The following SH3PXD2B variants were observed in gnomAD, a reference collection of about 807,000 sequenced individuals.
SH3PXD2B encodes SH3 and PX domain-containing protein 2B.
SH3PXD2B carries 37 observed loss-of-function variants against 73.1 expected under a neutral mutation model. The ratio of observed to expected loss-of-function variants is 0.51; its 90% CI spans 0.39 to 0.67. SH3PXD2B has a LOEUF of 0.67. Ranked by LOEUF, SH3PXD2B falls within the 30% of genes least tolerant of loss-of-function variation. The pLI, the probability that SH3PXD2B is intolerant of heterozygous loss-of-function variation, is 0.00. For missense variants in SH3PXD2B, 1,053 were observed against 1,197.8 expected, an observed-to-expected ratio of 0.88 and a Z score of 1.78; for synonymous variants, 457 against 480.5, an observed-to-expected ratio of 0.95 and a Z score of 0.64.
chr5:172,337,412 G>C lies in SH3PXD2B; in HGVS notation c.*957C>G. 1 of 978,962 alleles carries C rather than the reference G, an allele frequency of 1.0e-6. No homozygotes were observed. The highest frequency in any genetic ancestry group is 1.2e-6 in the Non-Finnish European group (1 of 824,050). The allele number at this position is 978,962 out of a possible 1,614,324, so 60.6% of individuals were successfully genotyped here. A position where few individuals can be genotyped will look rare whatever the true frequency, so the allele number is the denominator to read the frequency against. ...TGGTGTGTCCTTGGGCACATGGAGC[G>C]TGAATTTCCTCATCTATAAAGGGAG... On this transcript the variant is annotated 3_prime_UTR_variant, in exon 13 of 13. Coordinates refer to ENST00000311601, the MANE Select transcript of SH3PXD2B (RefSeq NM_001017995.3).
chr5:172,330,434 T>C (rs1401241157), downstream of SH3PXD2B, among the ~76,000 whole-genome samples: 2 of 152,198 alleles, frequency 1.3e-5, no homozygotes, highest in Non-Finnish European at 2.9e-5. Context: ...CCAGAGTTTA[T>C]TACATGAAAC....
In SH3PXD2B at chr5:172,334,244, GT is replaced by G. The variant is rs1335817856; in HGVS notation, c.*4124del. The G allele has an allele frequency of 9.6e-7, 1 of 1,040,426 alleles. No individual in the cohort carries two copies. The highest frequency in any genetic ancestry group is 1.7e-5 in the African/African-American group (1 of 57,550). The allele number at this position is 1,040,426 out of a possible 1,614,324, so 64.4% of individuals were successfully genotyped here. A position where few individuals can be genotyped will look rare whatever the true frequency, so the allele number is the denominator to read the frequency against. ...GCTGGGCAGTCCAGTCTGTAGAAAG[GT>G]GCTCTGAAGGAGGTCCATGAGCAGG... On this transcript the variant is annotated 3_prime_UTR_variant, in exon 13 of 13. Transcript: ENST00000311601.
intron 2 of SH3PXD2B, among the ~76,000 whole-genome samples, chr5:172,417,685 C>G (rs966045653): frequency 3.3e-5 from 5 of 152,214 alleles, no homozygotes; most frequent in African/African-American, 7.2e-5. Context: ...CTAATCTTTA[C>G]GCCAATTCCT....
rs561370461 is a variant in SH3PXD2B, at chr5:172,385,560, C to A, written c.310-3433G>T. ...TGGGGAGACCCTAAATAACACGAGG[C>A]AACAGCCCGGAGCTGGCCATGTGTC... is the stretch of plus-strand genomic sequence containing the variant. On this transcript the variant is annotated intron_variant, in intron 4 of 12. Transcript: ENST00000311601. 4.2e-4 allele frequency among the ~76,000 whole-genome samples: 64 copies of A among 152,320 alleles called. 1 individual carries two copies. The highest frequency in any genetic ancestry group is 8.4e-4 in the Non-Finnish European group (57 of 68,016).
intron 12 of SH3PXD2B, chr5:172,325,495 T>C (rs1756431127): frequency 6.1e-6 from 4 of 650,702 alleles, no homozygotes; most frequent in Non-Finnish European, 1.1e-5. Flanking sequence ...GACTGAGTAA[T>C]TTATAAAGAA....
intron 4 of SH3PXD2B, among the ~76,000 whole-genome samples, chr5:172,384,435 T>G (rs1758013939): frequency 6.6e-6 from 1 of 152,254 alleles, no homozygotes; most frequent in Admixed American, 6.5e-5. Context: ...TTCACACTGC[T>G]GTGCTACCAG....
intron 1 of SH3PXD2B, among the ~76,000 whole-genome samples, chr5:172,429,421 T>C (rs1759180008): frequency 6.6e-6 from 1 of 152,228 alleles, no homozygotes; most frequent in South Asian, 2.1e-4. Flanking sequence ...GGAGGTTTTC[T>C]TCTGTTCCCA....
chr5:172,446,488 T>A (rs1759664092), intron 1 of SH3PXD2B, among the ~76,000 whole-genome samples: 1 of 152,180 alleles, frequency 6.6e-6, no homozygotes. Context: ...AAAGCAAGAC[T>A]GCTCCCCTGA....
In SH3PXD2B at chr5:172,382,233, T is replaced by C. The variant is rs1757965411; in HGVS notation, c.310-106A>G. 21 of 925,476 alleles carry C rather than the reference T, an allele frequency of 2.3e-5. No individual in the cohort carries two copies. The East Asian group carries it at 5.3e-4, about 23-fold the overall frequency. 57.3% of individuals were successfully genotyped at this position (925,476 alleles called of 1,614,324 possible). On this transcript the variant is annotated intron_variant, in intron 4 of 12. Transcript: ENST00000311601. ...CGGGAGGCTGAGGCAAGATAATTGT[T>C]TGAACCTGGGAGGCGGAGGTTGCAG...
intron 12 of SH3PXD2B, among the ~76,000 whole-genome samples, chr5:172,327,752 G>GTTTTT (rs3053146): frequency 0.01 from 1,490 of 142,220 alleles, 31 homozygotes; most frequent in African/African-American, 0.037. Flanking sequence ...CTGCAACTGG[G>GTTTTT]TTTTTTTTTT....
intron 3 of SH3PXD2B, among the ~76,000 whole-genome samples, chr5:172,395,211 A>T (rs1758267689): frequency 6.6e-6 from 1 of 152,180 alleles, no homozygotes; most frequent in East Asian, 1.9e-4. Flanking sequence ...TGCACACATT[A>T]TTTATTTTTA....
chr5:172,418,451 C>G (rs903241577), intron 2 of SH3PXD2B, among the ~76,000 whole-genome samples: 2 of 152,216 alleles, frequency 1.3e-5, no homozygotes, highest in Non-Finnish European at 2.9e-5. Flanking sequence ...CCACACTGGC[C>G]TTGCTGCTCC....
At chr5:172,438,366 T>C (rs1000049273) in intron 1 of SH3PXD2B, among the ~76,000 whole-genome samples, 1 of 152,076 alleles carries the variant, frequency 6.6e-6, no homozygotes, top group Non-Finnish European at 1.5e-5. Flanking sequence ...CCCACTGCCC[T>C]GGGGGCCCTT....
intron 1 of SH3PXD2B, among the ~76,000 whole-genome samples, chr5:172,440,306 G>A (rs1003781715): frequency 1.5e-4 from 23 of 152,132 alleles, no homozygotes; most frequent in African/African-American, 5.1e-4. Context: ...ACAATCACCC[G>A]CCTGGGTTTC....
At chr5:172,342,374 AAC>A (rs1222024552) in intron 12 of SH3PXD2B, among the ~76,000 whole-genome samples, 1 of 152,186 alleles carries the variant, frequency 6.6e-6, no homozygotes, top group Non-Finnish European at 1.5e-5. Flanking sequence ...AGAGCTGAGG[AAC>A]ACACAGCGGG....
In SH3PXD2B at chr5:172,362,694, G is replaced by A. The variant is rs188626318; in HGVS notation, c.562+41C>T. On this transcript the variant is annotated intron_variant, in intron 7 of 12. Coordinates refer to ENST00000311601, the MANE Select transcript of SH3PXD2B (RefSeq NM_001017995.3). ...AAATGTTTCATGTCCCAGGGGCTTG[G>A]TGGCAGGGTAGTGGGAGAGGGAGAT... 44 of 1,613,856 alleles carry A rather than the reference G, an allele frequency of 2.7e-5. No individual in the cohort carries two copies. In the East Asian group the frequency reaches 9.4e-4, roughly 34 times the overall value.
chr5:172,372,373 C>T (rs2113350751), intron 6 of SH3PXD2B, among the ~76,000 whole-genome samples: 1 of 152,258 alleles, frequency 6.6e-6, no homozygotes, highest in East Asian at 1.9e-4. Context: ...ATAAAAACTG[C>T]TTGCTCCACC....
intron 7 of SH3PXD2B, 106 bp downstream of exon 7, chr5:172,362,629 C>G: frequency 6.6e-7 from 1 of 1,508,604 alleles, no homozygotes; most frequent in South Asian, 1.1e-5. Flanking sequence ...TCTATGGGAA[C>G]TGGCCAGTCT....
At chr5:172,386,118 C>T (rs948939399) in intron 4 of SH3PXD2B, among the ~76,000 whole-genome samples, 30 of 152,298 alleles carry the variant, frequency 2.0e-4, no homozygotes, top group South Asian at 6.2e-4. Context: ...ACTCTGGCCT[C>T]GTCACTTCCT....
Sources: allele counts gnomAD v4.1 joint callset (sites outside exome capture counted in the v4.1 genomes callset), GRCh38; gene constraint gnomAD v4.1.1; transcripts MANE v1.5; gene names NCBI Gene and HGNC (gene_info 2026-07-23, HGNC 2026-07-21).